Variants in ITGA11 observed in about 807,000 individuals in gnomAD.
The protein encoded by ITGA11 is integrin subunit alpha 11, also known as integrin alpha-11.
In ITGA11, 97 loss-of-function variants were observed where a neutral mutation model predicts 141.9. That is an observed-to-expected ratio of 0.68 (90% confidence interval 0.58 to 0.81). ITGA11 has a LOEUF of 0.81. Ranked by LOEUF, ITGA11 falls within the 30% of genes least tolerant of loss-of-function variation. ITGA11 has a pLI of 0.00. For synonymous variants in ITGA11, 658 were observed against 624.6 expected (o/e 1.05, Z -0.80); for missense variants, 1,387 against 1,559.2 (o/e 0.89, Z 1.86).
intron 1 of ITGA11, among the ~76,000 whole-genome samples, chr15:68,407,646 G>A (rs939835767): frequency 6.6e-6 from 1 of 152,050 alleles, no homozygotes; most frequent in African/African-American, 2.4e-5. Context: ...TGACAGAGGG[G>A]GAAAAAAACC....
chr15:68,361,560 G>A (rs1429241844), intron 5 of ITGA11, 30 bp downstream of exon 5: 4 of 1,450,514 alleles, frequency 2.8e-6, no homozygotes, highest in Non-Finnish European at 3.8e-6. Flanking sequence ...CCACTGCTCA[G>A]CTTGAGGTTG....
rs1052160367 is a variant in ITGA11, at chr15:68,311,216, T to C, written c.3087+74A>G. 37 of 1,290,514 alleles carry C rather than the reference T, an allele frequency of 2.9e-5. No individual in the cohort carries two copies. The East Asian group carries it at 8.3e-4, about 29-fold the overall frequency. 79.9% of individuals were successfully genotyped at this position (1,290,514 alleles called of 1,614,324 possible). A position where few individuals can be genotyped will look rare whatever the true frequency, so the allele number is the denominator to read the frequency against. On this transcript the variant is annotated intron_variant, in intron 25 of 29. Coordinates refer to ENST00000315757, the MANE Select transcript of ITGA11 (RefSeq NM_001004439.2). ...AGAAGGGAGCTGGGGTCTGGGAACC[T>C]GGGGACACACGTAGGGGGAGTGTCT...
chr15:68,415,227 C>G (rs1484194785), intron 1 of ITGA11, among the ~76,000 whole-genome samples: 1 of 152,240 alleles, frequency 6.6e-6, no homozygotes, highest in Non-Finnish European at 1.5e-5. Flanking sequence ...CACTGGCCTT[C>G]CTCATCTCTG....
chr15:68,348,859 G>GT lies in ITGA11; in HGVS notation c.1101dup (p.Gln368ThrfsTer22), dbSNP rs777652187. The GT allele has an allele frequency of 3.7e-6, 6 of 1,609,606 alleles. No individual in the cohort carries two copies. The highest frequency in any genetic ancestry group is 5.1e-6 in the Non-Finnish European group (6 of 1,178,018). On this transcript the variant is annotated frameshift_variant, in exon 10 of 30. Transcript: ENST00000315757. LOFTEE classifies it high-confidence loss of function. ...ACCACGTGCGAGGAAAAGCCCGTCT[G>GT]TGACATCTCCAGCCCAAAGGAGGTC...
intron 1 of ITGA11, among the ~76,000 whole-genome samples, chr15:68,430,861 G>A (rs1566948203): frequency 6.6e-6 from 1 of 152,240 alleles, no homozygotes; most frequent in Admixed American, 6.5e-5. Context: ...GCCGACAGGA[G>A]GGTGGACTTG....
chr15:68,401,018 A>G (rs1896496293), intron 2 of ITGA11, among the ~76,000 whole-genome samples: 1 of 137,496 alleles, frequency 7.3e-6, no homozygotes, highest in Non-Finnish European at 1.5e-5. Context: ...AGAAAAAGAC[A>G]CACAACACAA....
In ITGA11 at chr15:68,303,758, G is replaced by C. The variant is rs1244022690; in HGVS notation, c.3495+14C>G. 5 of 1,575,916 alleles carry C rather than the reference G, an allele frequency of 3.2e-6. No homozygotes were observed. The highest frequency in any genetic ancestry group is 4.4e-6 in the Non-Finnish European group (5 of 1,148,558). On this transcript the variant is annotated intron_variant, in intron 29 of 29. Transcript: ENST00000315757. This position sits in a 1 kb window ranked among gnomAD's most constrained non-coding sequence, Gnocchi z 5.3. ...CAGGATGCTGCTCCTTCCCTCCCCT[G>C]CCAGGGCCCTCACCTTCCACAGTGC... is the stretch of plus-strand genomic sequence containing the variant.
chr15:68,351,286 C>T lies in ITGA11; in HGVS notation c.866G>A (p.Arg289Lys). The T allele has an allele frequency of 6.2e-7, 1 of 1,614,052 alleles. No individual in the cohort carries two copies. The highest frequency in any genetic ancestry group is 8.5e-7 in the Non-Finnish European group (1 of 1,179,902). The change falls in exon 8 of 30, where the codon AGA becomes AAA. Residue 289 changes from arginine to lysine, a missense_variant. Physicochemically the swap from Arg to Lys is conservative, Grantham distance 26. Coordinates refer to ENST00000315757, the MANE Select transcript of ITGA11 (RefSeq NM_001004439.2). The stretch of plus-strand genomic sequence containing the variant: ...CACCGCATATCTTGTTACGTTGTCT[C>T]TTTCGCTTTGCTGGATCACCTTCTC... ...DLEKVIQQSE[R>K]DNVTRYAVAV...
In ITGA11 at chr15:68,299,423, T is replaced by C. The variant is rs1567117192; in HGVS notation, c.*3636A>G. On this transcript the variant is annotated 3_prime_UTR_variant, in exon 30 of 30. Coordinates refer to ENST00000315757, the MANE Select transcript of ITGA11 (RefSeq NM_001004439.2). ...AACATAAAGATAGTAGGGGAGTTTTTTTTTTTTTTAAATTATAAGAAGGAG... is the reference window on the plus strand; with the variant it reads ...AACATAAAGATAGTAGGGGAGTTTTCTTTTTTTTTAAATTATAAGAAGGAG... 1 of 151,972 alleles carries C rather than the reference T, an allele frequency of 6.6e-6. No homozygotes were observed. The highest frequency in any genetic ancestry group is 1.5e-5 in the Non-Finnish European group (1 of 68,004). 9.4% of individuals were successfully genotyped at this position (151,972 alleles called of 1,614,324 possible). A position where few individuals can be genotyped will look rare whatever the true frequency, so the allele number is the denominator to read the frequency against.
chr15:68,408,787 C>T (rs1896704208), intron 1 of ITGA11, among the ~76,000 whole-genome samples: 1 of 152,122 alleles, frequency 6.6e-6, no homozygotes. Flanking sequence ...TGCCTGGCTC[C>T]TCCTGCCATC....
At chr15:68,425,985 C>A (rs1897133765) in intron 1 of ITGA11, among the ~76,000 whole-genome samples, 1 of 152,214 alleles carries the variant, frequency 6.6e-6, no homozygotes, top group Non-Finnish European at 1.5e-5. Flanking sequence ...GCTGCATCAC[C>A]CAAGCCACAA....
chr15:68,415,329 T>C (rs760211195), intron 1 of ITGA11, among the ~76,000 whole-genome samples: 101 of 152,234 alleles, frequency 6.6e-4, no homozygotes, highest in Non-Finnish European at 1.2e-3. Flanking sequence ...AGAAATTGTG[T>C]CTTCTGATGG....
Position 68,332,082 on chromosome 15 carries a change from A to G in ITGA11, c.1567-20T>C. On this transcript the variant is annotated intron_variant, in intron 13 of 29. Coordinates refer to ENST00000315757, the MANE Select transcript of ITGA11 (RefSeq NM_001004439.2). ...CAGGTTCTGCAAAACCAGGGGCAGA[A>G]AAAGGCTGGGGAGGGTTTGGCAAAA... 6.4e-7 allele frequency: 1 copy of G among 1,569,328 alleles called. No homozygotes were observed. The highest frequency in any genetic ancestry group is 1.2e-5 in the South Asian group (1 of 85,498).
At chr15:68,310,214 G>A (rs1244550546) in intron 26 of ITGA11, among the ~76,000 whole-genome samples, 1 of 152,144 alleles carries the variant, frequency 6.6e-6, no homozygotes, top group Non-Finnish European at 1.5e-5. Context: ...ATAATATAAG[G>A]ATTAAGTGGA....
At chr15:68,396,732 T>C (rs1203279647) in intron 2 of ITGA11, among the ~76,000 whole-genome samples, 1 of 150,208 alleles carries the variant, frequency 6.7e-6, no homozygotes, top group Non-Finnish European at 1.5e-5. Flanking sequence ...TTGCTGGATG[T>C]ATTGTAAATA....
rs1210448936 is a variant in ITGA11 at position 68,328,836 on chromosome 15, G to A, written c.1902-574C>T. Among the ~76,000 whole-genome samples, 1 of 152,112 alleles carries A rather than the reference G, an allele frequency of 6.6e-6. No homozygotes were observed. Among genetic ancestry groups the A allele is most frequent in the Non-Finnish European group, 1.5e-5 (1 of 68,022 alleles). ...GTGAACGTTCCATGGACCACACTTCGAAGAGCGAGGCGTTAAAGCACCCCA... is the reference window on the plus strand; with the variant it reads ...GTGAACGTTCCATGGACCACACTTCAAAGAGCGAGGCGTTAAAGCACCCCA... On this transcript the variant is annotated intron_variant, in intron 15 of 29. Coordinates refer to ENST00000315757, the MANE Select transcript of ITGA11 (RefSeq NM_001004439.2). The surrounding 1 kb of genome is among the most constrained non-coding windows in gnomAD (Gnocchi z 4.8).
intron 20 of ITGA11, among the ~76,000 whole-genome samples, chr15:68,319,763 T>C (rs1470482414): frequency 1.3e-5 from 2 of 152,142 alleles, no homozygotes; most frequent in Non-Finnish European, 2.9e-5. Flanking sequence ...TTCCTCCCTG[T>C]GTTCCCAAAG....
chr15:68,314,238 C>G (rs1893493235), intron 22 of ITGA11, among the ~76,000 whole-genome samples: 1 of 152,176 alleles, frequency 6.6e-6, no homozygotes, highest in Non-Finnish European at 1.5e-5. Flanking sequence ...GGAGATGACA[C>G]CTGTGGCAAA....
chr15:68,332,666 GT>G (rs1427485106), intron 12 of ITGA11, among the ~76,000 whole-genome samples, 188 bp from the exon 13 acceptor site: 1 of 152,146 alleles, frequency 6.6e-6, no homozygotes, highest in African/African-American at 2.4e-5. Flanking sequence ...TCTGTTTTCA[GT>G]TTGCCCTTCT....
Sources: allele counts gnomAD v4.1 joint callset (sites outside exome capture counted in the v4.1 genomes callset), GRCh38; gene constraint gnomAD v4.1.1; non-coding constraint Gnocchi (gnomAD v3.1); transcripts MANE v1.5; gene names NCBI Gene and HGNC (gene_info 2026-07-23, HGNC 2026-07-21).